The following WDHD1 variants were observed in gnomAD, a reference collection of about 807,000 sequenced individuals.
The protein encoded by WDHD1 is WD repeat and HMG-box DNA binding protein 1, also known as WD repeat and HMG-box DNA-binding protein 1.
In WDHD1, 111 loss-of-function variants were observed where a neutral mutation model predicts 135.4. That is an observed-to-expected ratio of 0.82 (90% CI 0.70 to 0.96). The LOEUF is 0.96. WDHD1 is among the 40% of genes least tolerant of loss of function. WDHD1 has a pLI of 0.00. For synonymous variants in WDHD1, 434 were observed against 439.0 expected, an observed-to-expected ratio of 0.99 and a Z score of 0.14; for missense variants, 1,351 against 1,336.3, an observed-to-expected ratio of 1.01 and a Z score of -0.17.
intron 18 of WDHD1, among the ~76,000 whole-genome samples, chr14:54,966,164 TAAAAAA>T (rs34071862): frequency 1.5e-5 from 1 of 67,186 alleles, no homozygotes; most frequent in South Asian, 6.7e-4. Flanking sequence ...CCATCTCTAC[TAAAAAA>T]AAAAAAAAAA....
chr14:54,965,837 T>C (rs1178452169), intron 18 of WDHD1, among the ~76,000 whole-genome samples: 2 of 151,628 alleles, frequency 1.3e-5, no homozygotes, highest in African/African-American at 4.8e-5. Context: ...ACGCCTGTAG[T>C]CCCAGCTACT....
rs2041402895 is a variant in WDHD1, at chr14:54,969,827, C to T, written c.2064-2433G>A. 2.6e-5 allele frequency among the ~76,000 whole-genome samples: 4 copies of T among 152,162 alleles called. No individual in the cohort carries two copies. The South Asian group carries it at 8.3e-4, about 32-fold the overall frequency. On this transcript the variant is annotated intron_variant, in intron 16 of 25. Coordinates refer to ENST00000360586, the MANE Select transcript of WDHD1 (RefSeq NM_007086.4). ...CAAAACACTAGCAAACCAAACCCAA[C>T]AGTACTTTAGGAAGTTAATACACCA... is the stretch of plus-strand genomic sequence containing the variant.
In WDHD1 at chr14:55,010,424, T is replaced by C. The variant is rs754549586; in HGVS notation, c.226A>G (p.Ile76Val). The change falls in exon 4 of 26, where the codon ATT (isoleucine) becomes GTT (valine). Residue 76 changes from isoleucine (I) to valine (V), a missense_variant. By Grantham distance (29) the Ile-to-Val change is conservative. This residue lies in a region of WDHD1 where 1,330 missense variants were observed against 1,296.1 expected (regional missense o/e 1.03). Transcript: ENST00000360586. The stretch of plus-strand genomic sequence containing the variant: ...CCTTCAGGAAATGTGTGGACTTGAA[T>C]AGTATTATTAGAAACTGCAGTGACC... ...KLVTAVSNNT[I>V]QVHTFPEGVP... 3.7e-6 allele frequency: 6 copies of C among 1,608,086 alleles called. No individual in the cohort carries two copies. The highest frequency in any genetic ancestry group is 1.7e-5 in the Admixed American group (1 of 58,656).
At chr14:55,012,302 A>G (rs1337398774) in intron 3 of WDHD1, among the ~76,000 whole-genome samples, 1 of 152,220 alleles carries the variant, frequency 6.6e-6, no homozygotes. Context: ...TTTGGAAAAA[A>G]TATGAATTCT....
At chr14:54,990,896 A>G (rs1279043481) in intron 12 of WDHD1, among the ~76,000 whole-genome samples, 1 of 152,154 alleles carries the variant, frequency 6.6e-6, no homozygotes, top group East Asian at 1.9e-4. Context: ...ATAATCTTCT[A>G]TGTAACAATG....
At chr14:54,946,663 C>A (rs546763161) in intron 24 of WDHD1, among the ~76,000 whole-genome samples, 66 of 152,214 alleles carry the variant, frequency 4.3e-4, no homozygotes, top group African/African-American at 1.6e-3. Context: ...GATTTTAAAA[C>A]TTTTGGTAGA....
chr14:54,958,196 G>A (rs746492905), intron 21 of WDHD1, among the ~76,000 whole-genome samples: 1 of 149,272 alleles, frequency 6.7e-6, no homozygotes, highest in African/African-American at 2.5e-5. Context: ...GTGTGATCTC[G>A]GCTCACTGCA....
intron 23 of WDHD1, among the ~76,000 whole-genome samples, chr14:54,956,499 G>A (rs755153766): frequency 1.3e-5 from 2 of 152,028 alleles, no homozygotes; most frequent in African/African-American, 2.4e-5. Context: ...TTAGCTGGGC[G>A]TGATGTCAGG....
At chr14:54,996,936 C>T (rs563475467) in intron 10 of WDHD1, among the ~76,000 whole-genome samples, 3 of 151,774 alleles carry the variant, frequency 2.0e-5, no homozygotes, top group Admixed American at 6.6e-5. Flanking sequence ...GGACTACAGG[C>T]GCATGCCACC....
Position 54,939,810 on chromosome 14 carries a change from A to G in WDHD1, c.*1680T>C, listed in dbSNP as rs1363959926. The G allele has an allele frequency of 2.6e-5, 4 of 152,246 alleles. No individual in the cohort carries two copies. The highest frequency in any genetic ancestry group is 6.5e-5 in the Admixed American group (1 of 15,280). The allele number at this position is 152,246 out of a possible 1,614,324, so 9.4% of individuals were successfully genotyped here. On this transcript the variant is annotated 3_prime_UTR_variant, in exon 26 of 26. Transcript: ENST00000360586. The stretch of plus-strand genomic sequence containing the variant: ...ACAATATACACAGATTATATCCTTA[A>G]GCATTAGGTTGGCACAAAAGAAATC...
intron 10 of WDHD1, among the ~76,000 whole-genome samples, chr14:54,998,626 T>C (rs984233403): frequency 7.4e-6 from 1 of 135,784 alleles, no homozygotes; most frequent in African/African-American, 2.7e-5. Context: ...CATATTCTAG[T>C]AGAATTTTTT....
Position 54,991,288 on chromosome 14 carries a change from A to C in WDHD1, c.1266T>G (p.Asp422Glu), listed in dbSNP as rs1182353233. ...TTTGCCGGGGAGTTGGCATGGGTCC[A>C]TCATAAAATGGCCTTTGGGATGTTA... ...PLVTSQRPFYDGPMPTPRQKP... is the reference protein window; with the variant it reads ...PLVTSQRPFYEGPMPTPRQKP... The change falls in exon 12 of 26, where the codon GAT (aspartate) becomes GAG (glutamate). Residue 422 changes from aspartate (D) to glutamate (E), a missense_variant. Asp to Glu is a conservative substitution (Grantham distance 45). This residue lies in a region of WDHD1 where 1,330 missense variants were observed against 1,296.1 expected (regional missense o/e 1.03). Transcript: ENST00000360586. 1.9e-6 allele frequency: 3 copies of C among 1,613,924 alleles called. No individual in the cohort carries two copies. The highest frequency in any genetic ancestry group is 2.5e-6 in the Non-Finnish European group (3 of 1,179,776).
intron 16 of WDHD1, 61 bp from the exon 17 acceptor site, chr14:54,967,455 T>C: frequency 8.1e-7 from 1 of 1,238,254 alleles, no homozygotes; most frequent in East Asian, 2.5e-5. Flanking sequence ...AACTACAAAA[T>C]TTAAAAAGTT....
chr14:54,958,271 C>T (rs1171324941), intron 21 of WDHD1, among the ~76,000 whole-genome samples: 4 of 151,842 alleles, frequency 2.6e-5, no homozygotes, highest in East Asian at 3.9e-4. Flanking sequence ...GGATTACAGG[C>T]GCCTGCTACC....
rs1190199743 is a variant in WDHD1 at position 54,989,144 on chromosome 14, G to GAACTCCAC, written c.1402_1409dup (p.Phe470LeufsTer19). ...TTGCATGGTGTATGGAGGTATCATG[G>GAACTCCAC]AACTCCACATCTATGGCATTGTCTT... On this transcript the variant is annotated frameshift_variant, in exon 13 of 26. Transcript: ENST00000360586. LOFTEE classifies it high-confidence loss of function. The GAACTCCAC allele has an allele frequency of 1.9e-6, 3 of 1,613,470 alleles. No individual in the cohort carries two copies. The East Asian group carries it at 6.7e-5, about 36-fold the overall frequency.
In WDHD1 at chr14:54,989,115, T is replaced by C. The variant is rs758160163; in HGVS notation, c.1439A>G (p.His480Arg). The C allele has an allele frequency of 8.1e-6, 13 of 1,613,810 alleles. No homozygotes were observed. Among genetic ancestry groups the C allele is most frequent in the Non-Finnish European group, 1.0e-5 (12 of 1,179,848 alleles). The change falls in exon 13 of 26, where the codon CAC (histidine) becomes CGC (arginine). Residue 480 changes from histidine (H) to arginine (R), a missense_variant. His to Arg is a conservative substitution (Grantham distance 29). Around this residue, in one of 2 missense-constraint regions of WDHD1, gnomAD observed 1,330 missense variants for 1,296.1 expected, o/e 1.03. Transcript: ENST00000360586. ...FHDTSIHHAT[H>R]LSNTLNYTIA... ...TGTATAATTCAAAGTGTTTGATAAG[T>C]GTGTTGCATGGTGTATGGAGGTATC...
rs186072000 is a variant in WDHD1 at position 55,007,655 on chromosome 14, C to A, written c.505-280G>T. The stretch of plus-strand genomic sequence containing the variant: ...TACACACATACACAAAACCCCAATA[C>A]GTGAAATTCTTAGAATGACTACAAA... On this transcript the variant is annotated intron_variant, in intron 6 of 25. Coordinates refer to ENST00000360586, the MANE Select transcript of WDHD1 (RefSeq NM_007086.4). 4.6e-5 allele frequency among the ~76,000 whole-genome samples: 7 copies of A among 152,092 alleles called. No individual in the cohort carries two copies. The East Asian group carries it at 7.7e-4, about 17-fold the overall frequency.
Position 55,013,346 on chromosome 14 carries a change from C to T in WDHD1, c.189+139G>A, listed in dbSNP as rs146068437. On this transcript the variant is annotated intron_variant, in intron 3 of 25. Coordinates refer to ENST00000360586, the MANE Select transcript of WDHD1 (RefSeq NM_007086.4). Reference sequence around the variant, plus strand: ...CAAAAAAAAATGGTAGGGCAAGTTACGGCATTATCATACATTTTAAAATAT... The same window carrying T: ...CAAAAAAAAATGGTAGGGCAAGTTATGGCATTATCATACATTTTAAAATAT... 1.1e-4 allele frequency: 61 copies of T among 575,466 alleles called. 1 individual carries two copies. The East Asian group carries it at 1.4e-3, about 13-fold the overall frequency. The allele number at this position is 575,466 out of a possible 1,614,324, so 35.6% of individuals were successfully genotyped here.
At chr14:54,968,454 G>C (rs1015386461) in intron 16 of WDHD1, among the ~76,000 whole-genome samples, 1 of 151,918 alleles carries the variant, frequency 6.6e-6, no homozygotes, top group Non-Finnish European at 1.5e-5. Flanking sequence ...AGGGAAACTA[G>C]ATAAACGAGA....
Sources: allele counts gnomAD v4.1 joint callset (sites outside exome capture counted in the v4.1 genomes callset), GRCh38; gene constraint gnomAD v4.1.1; regional missense constraint gnomAD v4.1.1; transcripts MANE v1.5; gene names NCBI Gene and HGNC (gene_info 2026-07-23, HGNC 2026-07-21).